The following ARHGAP32 variants were observed in gnomAD, a reference collection of about 807,000 sequenced individuals.
ARHGAP32 encodes rho GTPase-activating protein 32.
In ARHGAP32, 51 loss-of-function variants were observed where a neutral mutation model predicts 186.5. The observed-to-expected ratio is 0.27, with a 90% CI of 0.22 to 0.35. ARHGAP32 has a LOEUF of 0.35. Ranked by LOEUF, ARHGAP32 falls within the 10% of genes least tolerant of loss-of-function variation. ARHGAP32 has a pLI of 1.00. For missense variants in ARHGAP32, 2,186 were observed against 2,623.5 expected, an observed-to-expected ratio of 0.83 and a Z score of 3.64; for synonymous variants, 950 against 964.3, an observed-to-expected ratio of 0.99 and a Z score of 0.27.
At position 128,970,973 on chromosome 11, in the gene ARHGAP32, C is replaced by T. The variant is rs1435967019; in HGVS notation, c.4240G>A (p.Glu1414Lys). Residue 1414 changes from glutamate (E) to lysine (K), a missense_variant, in exon 23 of 23, where the codon GAG becomes AAG. Coordinates refer to ENST00000682385, the MANE Select transcript of ARHGAP32 (RefSeq NM_001378024.1). This position sits in a 1 kb window ranked among gnomAD's most constrained non-coding sequence, Gnocchi z 5.8. ...ARVPLLHLRAESVPAHPCGFP... is the reference protein window; with the variant it reads ...ARVPLLHLRAKSVPAHPCGFP... The stretch of plus-strand genomic sequence containing the variant: ...CCACAGGGATGCGCAGGGACAGACT[C>T]GGCGCGCAGGTGCAGCAGCGGGACC... 9.3e-6 allele frequency: 15 copies of T among 1,613,756 alleles called. No homozygotes were observed. Among genetic ancestry groups the T allele is most frequent in the Admixed American group, 1.7e-5 (1 of 60,002 alleles).
At chr11:129,139,537 G>C (rs1446274057) in intron 2 of ARHGAP32, among the ~76,000 whole-genome samples, 1 of 152,132 alleles carries the variant, frequency 6.6e-6, no homozygotes, top group Non-Finnish European at 1.5e-5. Flanking sequence ...ACATGTCATG[G>C]GAGGGACCCA....
rs147074436 is a variant in ARHGAP32 at position 129,055,507 on chromosome 11, T to C, written c.963+6773A>G. Reference sequence around the variant, plus strand: ...TAGATGTTTATAGCAGTTTCATTCATAATTGCTAAAAACATGAAAGCAACC... The same window carrying C: ...TAGATGTTTATAGCAGTTTCATTCACAATTGCTAAAAACATGAAAGCAACC... On this transcript the variant is annotated intron_variant, in intron 10 of 22. Coordinates refer to ENST00000682385, the MANE Select transcript of ARHGAP32 (RefSeq NM_001378024.1). Among the ~76,000 whole-genome samples the C allele has an allele frequency of 1.8e-3, 273 of 152,358 alleles. 2 individuals are homozygous for C. Among genetic ancestry groups the C allele is most frequent in the African/African-American group, 6.2e-3 (257 of 41,588 alleles).
At chr11:129,108,630 C>T (rs770419990) in intron 5 of ARHGAP32, among the ~76,000 whole-genome samples, 5 of 152,106 alleles carry the variant, frequency 3.3e-5, no homozygotes, top group South Asian at 2.1e-4. Flanking sequence ...AATATCTGCT[C>T]GAGCCCTTTG....
chr11:129,279,260 G>C (rs1222454250), exon 1 of ARHGAP32: 5 of 121,852 alleles, frequency 4.1e-5, no homozygotes, highest in African/African-American at 1.5e-4. Context: ...CCGCCGCCGA[G>C]CGCCGCCCGC....
At position 129,156,877 on chromosome 11, in the gene ARHGAP32, A is replaced by G. The variant is rs1462123829; in HGVS notation, c.225+7442T>C. 4.6e-5 allele frequency among the ~76,000 whole-genome samples: 7 copies of G among 152,182 alleles called. No individual in the cohort carries two copies. The East Asian group carries it at 1.3e-3, about 29-fold the overall frequency. Reference sequence around the variant, plus strand: ...CCCTCTGGGACGAAGCTTCCAGAGAAAGGAACACACAGCAAACTTTGCTGT... The same window carrying G: ...CCCTCTGGGACGAAGCTTCCAGAGAGAGGAACACACAGCAAACTTTGCTGT... On this transcript the variant is annotated intron_variant, in intron 2 of 22. Coordinates refer to ENST00000682385, the MANE Select transcript of ARHGAP32 (RefSeq NM_001378024.1).
chr11:129,045,937 G>A (rs918546993), intron 10 of ARHGAP32, among the ~76,000 whole-genome samples: 3 of 152,282 alleles, frequency 2.0e-5, no homozygotes, highest in African/African-American at 7.2e-5. Flanking sequence ...AACAGGTTAG[G>A]AATGGTCTTG....
Position 128,971,005 on chromosome 11 carries a change from C to A in ARHGAP32, c.4208G>T (p.Gly1403Val), listed in dbSNP as rs776878855. 2.1e-5 allele frequency: 34 copies of A among 1,613,758 alleles called. No individual in the cohort carries two copies. The highest frequency in any genetic ancestry group is 1.1e-4 in the East Asian group (5 of 44,870). ...QPGLPEKVRD[G>V]ARVPLLHLRA... ...CAGGTGCAGCAGCGGGACCCGGGCA[C>A]CGTCCCGCACTTTCTCAGGCAGGCC... The change falls in exon 23 of 23, where the codon GGT becomes GTT. Residue 1403 changes from glycine to valine, a missense_variant. Gly to Val is a moderately radical substitution (Grantham distance 109, BLOSUM62 -3). Coordinates refer to ENST00000682385, the MANE Select transcript of ARHGAP32 (RefSeq NM_001378024.1).
At chr11:129,152,399 C>T (rs950190091) in intron 2 of ARHGAP32, among the ~76,000 whole-genome samples, 2 of 152,024 alleles carry the variant, frequency 1.3e-5, no homozygotes, top group African/African-American at 4.8e-5. Context: ...GCCAACATCA[C>T]CCAAATACCA....
At chr11:129,025,913 C>G (rs574325975) in intron 11 of ARHGAP32, among the ~76,000 whole-genome samples, 4 of 149,102 alleles carry the variant, frequency 2.7e-5, no homozygotes, top group Admixed American at 1.3e-4. Flanking sequence ...TTAAGTAATA[C>G]ATGTTATTAC....
intron 1 of ARHGAP32, among the ~76,000 whole-genome samples, chr11:129,199,449 G>C (rs1944432910): frequency 6.6e-6 from 1 of 152,254 alleles, no homozygotes; most frequent in African/African-American, 2.4e-5. Context: ...TTGGTGCCCT[G>C]TGCCCCAGCT....
chr11:129,128,650 A>ACTGCCGCCATCTCGGCT (rs1314343793), intron 2 of ARHGAP32, among the ~76,000 whole-genome samples: 12 of 135,946 alleles, frequency 8.8e-5, no homozygotes, highest in African/African-American at 3.1e-4. Context: ...GCTGGACTGT[A>ACTGCCGCCATCTCGGCT]CTGCCGCCAT....
intron 2 of ARHGAP32, among the ~76,000 whole-genome samples, chr11:129,146,442 T>TATGTATGCTAC: frequency 6.6e-6 from 1 of 152,284 alleles, no homozygotes; most frequent in South Asian, 2.1e-4. Context: ...ATGCTACACA[T>TATGTATGCTAC]ACATTAGTAT....
rs368193735 is a variant in ARHGAP32 at position 128,992,649 on chromosome 11, T to C, written c.1196-4524A>G. On this transcript the variant is annotated intron_variant, in intron 12 of 22. Coordinates refer to ENST00000682385, the MANE Select transcript of ARHGAP32 (RefSeq NM_001378024.1). Reference sequence around the variant, plus strand: ...AGGAAAAAAAAAAATTAGCCAGGCATGGTGGTGGGCGCCTGTAATCCCAGC... The same window carrying C: ...AGGAAAAAAAAAAATTAGCCAGGCACGGTGGTGGGCGCCTGTAATCCCAGC... 1.3e-4 allele frequency among the ~76,000 whole-genome samples: 20 copies of C among 150,754 alleles called. No homozygotes were observed. The East Asian group carries it at 1.6e-3, about 12-fold the overall frequency.
chr11:129,233,900 C>G (rs142673098), intron 1 of ARHGAP32, among the ~76,000 whole-genome samples: 1 of 151,500 alleles, frequency 6.6e-6, no homozygotes, highest in African/African-American at 2.4e-5. Flanking sequence ...ATATTTTTTA[C>G]GGATAGACAT....
intron 11 of ARHGAP32, among the ~76,000 whole-genome samples, chr11:129,001,779 T>C (rs1767241055): frequency 6.6e-6 from 1 of 152,224 alleles, no homozygotes; most frequent in Non-Finnish European, 1.5e-5. Flanking sequence ...TTGGACTTAA[T>C]TTTTATATAA....
intron 5 of ARHGAP32, among the ~76,000 whole-genome samples, chr11:129,100,634 T>G (rs549738200): frequency 3.3e-5 from 5 of 152,252 alleles, no homozygotes; most frequent in Non-Finnish European, 7.4e-5. Flanking sequence ...GGAGCCTTGG[T>G]GGGCAGAGCC....
intron 22 of ARHGAP32, 160 bp from the exon 23 acceptor site, chr11:128,971,319 A>G (rs1257376173): frequency 6.7e-6 from 4 of 596,188 alleles, no homozygotes; most frequent in Non-Finnish European, 1.2e-5. Context: ...TAGGAAAAGA[A>G]GGCTTGTGCT....
intron 5 of ARHGAP32, among the ~76,000 whole-genome samples, chr11:129,097,787 T>A (rs915925616): frequency 2.0e-5 from 3 of 152,046 alleles, no homozygotes; most frequent in Non-Finnish European, 2.9e-5. Context: ...CCAAATTTGA[T>A]AAAAGACATG....
At chr11:129,047,621 A>C (rs1254135366) in intron 10 of ARHGAP32, among the ~76,000 whole-genome samples, 1 of 152,210 alleles carries the variant, frequency 6.6e-6, no homozygotes, top group Non-Finnish European at 1.5e-5. Flanking sequence ...TGCTGGAGAA[A>C]AAAAAAAATC....
Sources: allele counts gnomAD v4.1 joint callset (sites outside exome capture counted in the v4.1 genomes callset), GRCh38; gene constraint gnomAD v4.1.1; non-coding constraint Gnocchi (gnomAD v3.1); transcripts MANE v1.5; gene names NCBI Gene and HGNC (gene_info 2026-07-23, HGNC 2026-07-21).